KCTD16: variants seen among roughly 807,000 people sequenced by gnomAD.
KCTD16 encodes the protein potassium channel tetramerization domain containing 16.
Under a neutral mutation model 33.2 loss-of-function variants are expected in KCTD16, and 13 were observed. The observed-to-expected ratio is 0.39, with a 90% CI of 0.25 to 0.62. The LOEUF (loss-of-function observed/expected upper bound fraction) is 0.62, where lower values mean the gene tolerates loss of function less well. Ranked by LOEUF, KCTD16 falls within the 20% of genes least tolerant of loss-of-function variation. The pLI is 0.50. For synonymous variants in KCTD16, 197 were observed against 195.3 expected (o/e 1.01, Z -0.07); for missense variants, 441 against 525.1 (o/e 0.84, Z 1.57).
intron 3 of KCTD16, among the ~76,000 whole-genome samples, chr5:144,454,223 A>G (rs763783616): frequency 6.6e-6 from 1 of 152,188 alleles, no homozygotes; most frequent in Non-Finnish European, 1.5e-5. Context: ...CCACCCAATC[A>G]GTCTTTAGCT....
chr5:144,171,592 A>G (rs562528159), intron 1 of KCTD16, among the ~76,000 whole-genome samples: 5 of 152,142 alleles, frequency 3.3e-5, no homozygotes, highest in African/African-American at 4.8e-5. Context: ...CACCATCACC[A>G]CCAAGTTGTG....
At chr5:144,268,383 C>T (rs1310334207) in intron 3 of KCTD16, among the ~76,000 whole-genome samples, 1 of 152,156 alleles carries the variant, frequency 6.6e-6, no homozygotes, top group Non-Finnish European at 1.5e-5. Flanking sequence ...GCTAGAGCAC[C>T]CTTTTTTTCT....
intron 3 of KCTD16, among the ~76,000 whole-genome samples, chr5:144,472,995 A>G (rs1446302629): frequency 6.6e-6 from 1 of 152,202 alleles, no homozygotes; most frequent in Non-Finnish European, 1.5e-5. Flanking sequence ...CAAGTTTCTC[A>G]AACTCTTAGG....
intron 3 of KCTD16, among the ~76,000 whole-genome samples, chr5:144,297,158 T>C (rs890611777): frequency 2.0e-5 from 3 of 152,242 alleles, no homozygotes; most frequent in Non-Finnish European, 4.4e-5. Context: ...GCTCCGCTTC[T>C]TTTACACGTT....
At chr5:144,278,373 C>A (rs951544503) in intron 3 of KCTD16, among the ~76,000 whole-genome samples, 11 of 151,676 alleles carry the variant, frequency 7.3e-5, no homozygotes, top group Admixed American at 5.9e-4. Flanking sequence ...TTCCTTTTAT[C>A]AATACCACCT....
chr5:144,318,146 C>T (rs1171415998), intron 3 of KCTD16, among the ~76,000 whole-genome samples: 2 of 152,154 alleles, frequency 1.3e-5, no homozygotes, highest in African/African-American at 4.8e-5. Context: ...GGTCCTCTTG[C>T]GGTGACCATT....
In KCTD16 at chr5:144,174,322, A is replaced by C. The variant is rs1313902356; in HGVS notation, c.-477A>C. The C allele has an allele frequency of 6.6e-6, 1 of 152,180 alleles. No homozygotes were observed. The highest frequency in any genetic ancestry group is 6.5e-5 in the Admixed American group (1 of 15,278). The allele number at this position is 152,180 out of a possible 1,614,324, so 9.4% of individuals were successfully genotyped here. On this transcript the variant is annotated 5_prime_UTR_variant, in exon 2 of 4. Coordinates refer to ENST00000512467, the MANE Select transcript of KCTD16 (RefSeq NM_020768.4). ...TGTTTTTCAGTTCATATGTCATGAA[A>C]AGTTGTGCCAGAAAATTATGGTTTG...
At chr5:144,465,367 T>C (rs1754305583) in intron 3 of KCTD16, among the ~76,000 whole-genome samples, 1 of 152,198 alleles carries the variant, frequency 6.6e-6, no homozygotes, top group African/African-American at 2.4e-5. Flanking sequence ...GATGATAGAC[T>C]GTCCAGATGT....
intron 3 of KCTD16, among the ~76,000 whole-genome samples, chr5:144,438,198 G>A (rs1311449720): frequency 3.3e-5 from 5 of 152,134 alleles, no homozygotes; most frequent in Admixed American, 3.3e-4. Flanking sequence ...CAGCACTAGA[G>A]CATTTGTATG....
chr5:144,313,555 G>A (rs552142414), intron 3 of KCTD16, among the ~76,000 whole-genome samples: 1 of 152,166 alleles, frequency 6.6e-6, no homozygotes, highest in Admixed American at 6.5e-5. Flanking sequence ...TTAAAACTGT[G>A]AGAACAGAGC....
At chr5:144,448,996 C>CA (rs1222183979) in intron 3 of KCTD16, among the ~76,000 whole-genome samples, 2 of 151,982 alleles carry the variant, frequency 1.3e-5, no homozygotes, top group African/African-American at 4.8e-5. Flanking sequence ...AGCATTTACA[C>CA]AAAAATAGTA....
intron 3 of KCTD16, among the ~76,000 whole-genome samples, chr5:144,450,876 C>T (rs1472229231): frequency 1.3e-5 from 2 of 151,990 alleles, no homozygotes; most frequent in Non-Finnish European, 2.9e-5. Flanking sequence ...ATCTAATGTA[C>T]AGCATAATGC....
At chr5:144,344,704 A>G (rs1231335466) in intron 3 of KCTD16, among the ~76,000 whole-genome samples, 2 of 150,726 alleles carry the variant, frequency 1.3e-5, no homozygotes, top group African/African-American at 2.4e-5. Context: ...GTCAGGAAAC[A>G]ACAGGTGCTG....
intron 3 of KCTD16, among the ~76,000 whole-genome samples, chr5:144,241,824 C>T (rs566288985): frequency 2.1e-4 from 32 of 152,148 alleles, no homozygotes; most frequent in African/African-American, 7.7e-4. Context: ...AATCTTAACC[C>T]CCTAGGAAAA....
At chr5:144,434,729 T>C (rs1276469824) in intron 3 of KCTD16, among the ~76,000 whole-genome samples, 1 of 152,196 alleles carries the variant, frequency 6.6e-6, no homozygotes, top group African/African-American at 2.4e-5. Context: ...ATCTAAAATA[T>C]GTCATAATAC....
At chr5:144,207,577 T>C in intron 3 of KCTD16, 31 bp downstream of exon 3, 1 of 1,450,224 alleles carries the variant, frequency 6.9e-7, no homozygotes, top group South Asian at 1.2e-5. Flanking sequence ...TAATTTTTTA[T>C]GTGTGTCAAT....
chr5:144,258,261 T>C (rs1754905769), intron 3 of KCTD16, among the ~76,000 whole-genome samples: 1 of 151,954 alleles, frequency 6.6e-6, no homozygotes, highest in Non-Finnish European at 1.5e-5. Context: ...CAAAAGATTA[T>C]TACACTATAT....
At chr5:144,402,221 C>T (rs183461044) in intron 3 of KCTD16, among the ~76,000 whole-genome samples, 67 of 152,302 alleles carry the variant, frequency 4.4e-4, no homozygotes, top group Middle Eastern at 3.4e-3. Context: ...ATTAACTGTT[C>T]GTTGGCTATA....
At chr5:144,447,430 A>G (rs1284271637) in intron 3 of KCTD16, among the ~76,000 whole-genome samples, 1 of 152,112 alleles carries the variant, frequency 6.6e-6, no homozygotes, top group African/African-American at 2.4e-5. Context: ...AAGGGGAGGC[A>G]TAGCATTAGG....
Sources: allele counts gnomAD v4.1 joint callset (sites outside exome capture counted in the v4.1 genomes callset), GRCh38; gene constraint gnomAD v4.1.1; transcripts MANE v1.5; gene names NCBI Gene and HGNC (gene_info 2026-07-23, HGNC 2026-07-21).